The following CREB1 variants were observed in gnomAD, a reference collection of about 807,000 sequenced individuals.
CREB1 encodes the protein cAMP responsive element binding protein 1, also known as cyclic AMP-responsive element-binding protein 1.
CREB1 carries 2 observed loss-of-function variants against 42.0 expected under a neutral mutation model. The observed-to-expected ratio is 0.05, with a 90% CI of 0.02 to 0.15. The LOEUF is 0.15. Ranked by LOEUF, CREB1 falls within the 10% of genes least tolerant of loss-of-function variation. The pLI, the probability that CREB1 is intolerant of heterozygous loss-of-function variation, is 1.00. For missense variants in CREB1, 199 were observed against 388.9 expected, an observed-to-expected ratio of 0.51 and a Z score of 4.11; for synonymous variants, 123 against 139.9, an observed-to-expected ratio of 0.88 and a Z score of 0.85.
At chr2:207,555,991 C>A (rs2081704981) in intron 2 of CREB1, among the ~76,000 whole-genome samples, 1 of 152,008 alleles carries the variant, frequency 6.6e-6, no homozygotes, top group South Asian at 2.1e-4. Context: ...GAAATAATTA[C>A]ATTTTAAACT....
In CREB1 at chr2:207,604,743, C is replaced by A. The variant is rs1388295917; in HGVS notation, c.*7685C>A. ...AAAGTCCCGTTACTCTCCATTTTCTCCTCCCACCGCCCTTGTCCCTGGCAA... is the reference window on the plus strand; with the variant it reads ...AAAGTCCCGTTACTCTCCATTTTCTACTCCCACCGCCCTTGTCCCTGGCAA... On this transcript the variant is annotated 3_prime_UTR_variant, in exon 8 of 8. Transcript: ENST00000353267. Among the ~76,000 whole-genome samples the A allele has an allele frequency of 6.6e-6, 1 of 152,150 alleles. No individual in the cohort carries two copies. The highest frequency in any genetic ancestry group is 6.5e-5 in the Admixed American group (1 of 15,274).
At chr2:207,592,585 T>G (rs956613545) in intron 7 of CREB1, among the ~76,000 whole-genome samples, 1 of 152,138 alleles carries the variant, frequency 6.6e-6, no homozygotes, top group African/African-American at 2.4e-5. Flanking sequence ...CATATTTATC[T>G]TATTCTTCTT....
chr2:207,536,561 A>G (rs1442502245), intron 1 of CREB1, among the ~76,000 whole-genome samples: 1 of 152,232 alleles, frequency 6.6e-6, no homozygotes, highest in Non-Finnish European at 1.5e-5. Context: ...GTCTTAAGAA[A>G]AAAACAAAAG....
In CREB1 at chr2:207,603,073, T is replaced by G. The variant is rs1045790; in HGVS notation, c.*6015T>G. The G allele has an allele frequency of 0.015, 3,203 of 211,648 alleles. 39 individuals are homozygous for G. Among genetic ancestry groups the G allele is most frequent in the Non-Finnish European group, 0.021 (2,177 of 104,492 alleles). The allele number at this position is 211,648 out of a possible 1,614,324, so 13.1% of individuals were successfully genotyped here. On this transcript the variant is annotated 3_prime_UTR_variant, in exon 8 of 8. Coordinates refer to ENST00000353267, the MANE Select transcript of CREB1 (RefSeq NM_004379.5). The stretch of plus-strand genomic sequence containing the variant: ...GGTATTGATTTTTAACTCTGATGTT[T>G]CTATTGGAGTTGAATACTAAATAAA...
Position 207,602,911 on chromosome 2 carries a change from AT to A in CREB1, c.*5856del, listed in dbSNP as rs2106636885. Reference sequence around the variant, plus strand: ...TCCCCCACTCCCTGCAAAAGGAATTATTTCTAACCCAGATGTATCACTTGAA... The same window carrying A: ...TCCCCCACTCCCTGCAAAAGGAATTATTCTAACCCAGATGTATCACTTGAA... On this transcript the variant is annotated 3_prime_UTR_variant, in exon 8 of 8. Coordinates refer to ENST00000353267, the MANE Select transcript of CREB1 (RefSeq NM_004379.5). 4.6e-6 allele frequency: 1 copy of A among 216,554 alleles called. No individual in the cohort carries two copies. Among genetic ancestry groups the A allele is most frequent in the African/African-American group, 2.2e-5 (1 of 44,568 alleles). The allele number at this position is 216,554 out of a possible 1,614,324, so 13.4% of individuals were successfully genotyped here. A position where few individuals can be genotyped will look rare whatever the true frequency, so the allele number is the denominator to read the frequency against.
Position 207,577,588 on chromosome 2 carries a change from C to G in CREB1, c.772C>G (p.Pro258Ala), listed in dbSNP as rs1340485345. Residue 258 changes from proline (P) to alanine (A), a missense_variant, in exon 7 of 8, where the codon CCA becomes GCA. Pro to Ala is a conservative substitution (Grantham distance 27). Transcript: ENST00000353267. The stretch of plus-strand genomic sequence containing the variant: ...CCCTGGAGTTGTTATGGCATCCTCC[C>G]CAGCACTTCCTACACAGCCTGCTGA... ...IAPGVVMASS[P>A]ALPTQPAEEA... The G allele has an allele frequency of 6.2e-7, 1 of 1,614,046 alleles. No individual in the cohort carries two copies. Among genetic ancestry groups the G allele is most frequent in the Non-Finnish European group, 8.5e-7 (1 of 1,179,990 alleles).
chr2:207,578,004 T>A (rs546953035), intron 7 of CREB1: 393 of 287,824 alleles, frequency 1.4e-3, no homozygotes, highest in Non-Finnish European at 1.5e-3. Flanking sequence ...AAGAGTTTCA[T>A]ATATGTATAT....
chr2:207,552,698 C>T (rs1040204459), intron 1 of CREB1, among the ~76,000 whole-genome samples: 28 of 151,642 alleles, frequency 1.8e-4, no homozygotes, highest in African/African-American at 7.3e-5. Context: ...CTCCGCCTCC[C>T]GGGTTCAAGC....
chr2:207,569,542 C>T (rs1005473200), intron 4 of CREB1, among the ~76,000 whole-genome samples: 1 of 151,864 alleles, frequency 6.6e-6, no homozygotes, highest in Non-Finnish European at 1.5e-5. Flanking sequence ...TGACTTTTTA[C>T]TTTCCGACTT....
rs115796302 is a variant in CREB1, at chr2:207,568,414, G to T, written c.362+851G>T. ...TTTATTTTAAGTATAGCTAGTGTTAGATTTTAACTTTGAAGTATATCTCCT... is the reference window on the plus strand; with the variant it reads ...TTTATTTTAAGTATAGCTAGTGTTATATTTTAACTTTGAAGTATATCTCCT... On this transcript the variant is annotated intron_variant, in intron 4 of 7. Transcript: ENST00000353267. 1.7e-3 allele frequency among the ~76,000 whole-genome samples: 258 copies of T among 152,084 alleles called. 1 individual carries two copies. The highest frequency in any genetic ancestry group is 6.0e-3 in the African/African-American group (251 of 41,512).
rs1185528681 is a variant in CREB1, at chr2:207,577,393, CTTTT to C, written c.689-109_689-106del. 16 of 1,376,664 alleles carry C rather than the reference CTTTT, an allele frequency of 1.2e-5. No homozygotes were observed. The South Asian group carries it at 1.4e-4, about 12-fold the overall frequency. 85.3% of individuals were successfully genotyped at this position (1,376,664 alleles called of 1,614,324 possible). On this transcript the variant is annotated intron_variant, in intron 6 of 7. Coordinates refer to ENST00000353267, the MANE Select transcript of CREB1 (RefSeq NM_004379.5). The stretch of plus-strand genomic sequence containing the variant: ...AACGCTTTAGCCAGAATCATCTTTT[CTTTT>C]TTGTTTCCCTTTTAGTCCAAAATAC...
At chr2:207,547,903 A>G (rs908457114) in intron 1 of CREB1, among the ~76,000 whole-genome samples, 1 of 152,142 alleles carries the variant, frequency 6.6e-6, no homozygotes, top group Admixed American at 6.6e-5. Flanking sequence ...CTGTCAAACC[A>G]TGCAATATGT....
intron 1 of CREB1, among the ~76,000 whole-genome samples, chr2:207,554,241 A>G (rs554565099): frequency 2.7e-4 from 41 of 152,020 alleles, no homozygotes; most frequent in African/African-American, 9.9e-4. Context: ...TTTCATTTCC[A>G]TTTTTTGAAC....
At chr2:207,564,816 AC>A (rs530491355) in intron 3 of CREB1, among the ~76,000 whole-genome samples, 16 of 152,204 alleles carry the variant, frequency 1.1e-4, no homozygotes, top group Non-Finnish European at 2.2e-4. Flanking sequence ...TTCTTGACTT[AC>A]AAGTGGCCAA....
chr2:207,549,749 G>A (rs146487883), intron 1 of CREB1, among the ~76,000 whole-genome samples: 2 of 152,068 alleles, frequency 1.3e-5, no homozygotes, highest in East Asian at 1.9e-4. Context: ...TTTGGGAGCC[G>A]AGGTGGGCAG....
chr2:207,572,868 C>T (rs2082426401), intron 5 of CREB1, among the ~76,000 whole-genome samples: 1 of 151,878 alleles, frequency 6.6e-6, no homozygotes, highest in African/African-American at 2.4e-5. Flanking sequence ...CCGCAAGTAC[C>T]CTTCCAGGTG....
chr2:207,586,251 G>T (rs970859495), intron 7 of CREB1, among the ~76,000 whole-genome samples: 1 of 152,074 alleles, frequency 6.6e-6, no homozygotes, highest in Non-Finnish European at 1.5e-5. Context: ...TAGACCAGTG[G>T]AACAGAATAA....
chr2:207,546,227 A>C (rs1380124170), intron 1 of CREB1, among the ~76,000 whole-genome samples: 1 of 151,956 alleles, frequency 6.6e-6, no homozygotes, highest in African/African-American at 2.4e-5. Context: ...GTTGGTGAAA[A>C]ACAGTACATC....
At chr2:207,575,783 A>G (rs1164606115) in intron 6 of CREB1, among the ~76,000 whole-genome samples, 4 of 152,166 alleles carry the variant, frequency 2.6e-5, no homozygotes, top group Admixed American at 2.6e-4. Flanking sequence ...TGGATCTGCT[A>G]TGAGGCCTTG....
Sources: gnomAD v4.1 joint callset for allele counts (sites outside exome capture counted in the v4.1 genomes callset) on GRCh38, gnomAD v4.1.1 for gene constraint, MANE v1.5 for transcripts, NCBI Gene and HGNC (gene_info 2026-07-23, HGNC 2026-07-21) for gene names.